Variants in MICU1 observed in about 807,000 individuals in gnomAD.
MICU1 encodes the protein mitochondrial calcium uptake 1.
MICU1 carries 45 observed loss-of-function variants against 56.8 expected under a neutral mutation model. The observed-to-expected ratio is 0.79, with a 90% CI of 0.62 to 1.02. The LOEUF (loss-of-function observed/expected upper bound fraction) is 1.02, where lower values mean the gene tolerates loss of function less well. MICU1 is among the 50% of genes least tolerant of loss of function. MICU1 has a pLI of 0.00. For missense variants in MICU1, 504 were observed against 587.1 expected (o/e 0.86, Z 1.46); for synonymous variants, 186 against 195.1 (o/e 0.95, Z 0.39).
chr10:72,374,561 TA>T (rs1862451721), intron 11 of MICU1, among the ~76,000 whole-genome samples: 2 of 152,144 alleles, frequency 1.3e-5, no homozygotes, highest in South Asian at 4.1e-4. Flanking sequence ...CAACTACCCT[TA>T]AAAAGCTCAG....
At chr10:72,485,942 G>A (rs1167607658) in intron 6 of MICU1, among the ~76,000 whole-genome samples, 1 of 151,040 alleles carries the variant, frequency 6.6e-6, no homozygotes, top group Non-Finnish European at 1.5e-5. Context: ...TTAATTCAAA[G>A]GTCACCATTA....
chr10:72,378,922 C>T (rs1315235687), intron 10 of MICU1, among the ~76,000 whole-genome samples: 1 of 152,102 alleles, frequency 6.6e-6, no homozygotes, highest in Non-Finnish European at 1.5e-5. Context: ...GTGGAAATAT[C>T]CCATCTTTTC....
chr10:72,421,415 T>C (rs1395863271), intron 9 of MICU1, among the ~76,000 whole-genome samples: 3 of 152,038 alleles, frequency 2.0e-5, no homozygotes, highest in African/African-American at 7.2e-5. Flanking sequence ...GCTGAGATTA[T>C]AGGCGCCCAC....
At chr10:72,598,502 C>T (rs1258245820) in intron 1 of MICU1, among the ~76,000 whole-genome samples, 1 of 152,010 alleles carries the variant, frequency 6.6e-6, no homozygotes, top group Non-Finnish European at 1.5e-5. Flanking sequence ...GTGATCCACC[C>T]GCCTCAGCCT....
chr10:72,404,786 G>A (rs1485449754), intron 10 of MICU1, among the ~76,000 whole-genome samples: 1 of 152,056 alleles, frequency 6.6e-6, no homozygotes, highest in East Asian at 1.9e-4. Context: ...GAAAGAAATT[G>A]GCAAGTCCAG....
intron 8 of MICU1, among the ~76,000 whole-genome samples, chr10:72,435,458 A>G (rs113027827): frequency 0.072 from 10,946 of 151,098 alleles, 1,348 homozygotes; most frequent in African/African-American, 0.25. Context: ...TCTGGTCTGC[A>G]GCTACCAGCA....
intron 1 of MICU1, among the ~76,000 whole-genome samples, chr10:72,578,625 T>C (rs1052250291): frequency 6.6e-6 from 1 of 152,044 alleles, no homozygotes; most frequent in Non-Finnish European, 1.5e-5. Flanking sequence ...GTTGTTGTTT[T>C]GAGACAGAGT....
chr10:72,412,065 A>AT (rs1247243257), intron 9 of MICU1, among the ~76,000 whole-genome samples: 1 of 152,198 alleles, frequency 6.6e-6, no homozygotes. Context: ...ACAGGCCTTG[A>AT]TTTTTTGGAG....
intron 7 of MICU1, among the ~76,000 whole-genome samples, chr10:72,475,617 C>A (rs186046370): frequency 3.9e-5 from 6 of 152,100 alleles, no homozygotes; most frequent in African/African-American, 1.4e-4. Flanking sequence ...TTAATAGAGA[C>A]AGGGTTTCAC....
intron 1 of MICU1, among the ~76,000 whole-genome samples, chr10:72,613,835 T>C (rs75665313): frequency 0.022 from 3,280 of 152,122 alleles, 121 homozygotes; most frequent in African/African-American, 0.076. Flanking sequence ...ACAACTCTAG[T>C]TTTTGTTGTG....
At chr10:72,414,028 T>G (rs2132117520) in intron 9 of MICU1, among the ~76,000 whole-genome samples, 1 of 152,288 alleles carries the variant, frequency 6.6e-6, no homozygotes, top group African/African-American at 2.4e-5. Flanking sequence ...TATATTCACA[T>G]GGAGATGTGA....
At chr10:72,616,151 G>A (rs1445319701) in intron 1 of MICU1, among the ~76,000 whole-genome samples, 2 of 152,132 alleles carry the variant, frequency 1.3e-5, no homozygotes, top group Non-Finnish European at 2.9e-5. Context: ...TCATCAGTAT[G>A]AGTCACGTTT....
rs185453688 is a variant in MICU1, at chr10:72,491,788, C to T, written c.653-14532G>A. The stretch of plus-strand genomic sequence containing the variant: ...TTCTTCATTATAAGAATCTAATATT[C>T]TTTCCTTTTTTTTTAATTTCTGCGT... On this transcript the variant is annotated intron_variant, in intron 6 of 11. Transcript: ENST00000361114. Among the ~76,000 whole-genome samples the T allele has an allele frequency of 5.5e-4, 83 of 152,008 alleles. 1 individual carries two copies. The East Asian group carries it at 0.014, about 26-fold the overall frequency.
At chr10:72,541,729 T>G (rs1367456698) in intron 4 of MICU1, among the ~76,000 whole-genome samples, 2 of 152,190 alleles carry the variant, frequency 1.3e-5, no homozygotes, top group Admixed American at 1.3e-4. Flanking sequence ...TTGCATTAAT[T>G]AAACTCTCTT....
chr10:72,599,070 T>C (rs1406291658), intron 1 of MICU1, among the ~76,000 whole-genome samples: 1 of 152,208 alleles, frequency 6.6e-6, no homozygotes, highest in Non-Finnish European at 1.5e-5. Flanking sequence ...ACCAAATGCC[T>C]TATGTTTATC....
intron 4 of MICU1, among the ~76,000 whole-genome samples, chr10:72,541,151 C>T (rs960543136): frequency 2.6e-5 from 4 of 152,222 alleles, no homozygotes; most frequent in East Asian, 1.9e-4. Context: ...TACTCATTCC[C>T]GGGCAAGAGC....
At chr10:72,498,155 T>C (rs776223629) in intron 6 of MICU1, among the ~76,000 whole-genome samples, 9 of 152,364 alleles carry the variant, frequency 5.9e-5, no homozygotes, top group Middle Eastern at 6.8e-3. Flanking sequence ...TAATTTTGAT[T>C]GGACAAGTCA....
At chr10:72,418,210 G>A (rs1303412237) in intron 9 of MICU1, among the ~76,000 whole-genome samples, 7 of 152,092 alleles carry the variant, frequency 4.6e-5, no homozygotes. Flanking sequence ...GATCTGGGTG[G>A]GGACACAGCC....
chr10:72,456,715 G>GTCTT (rs1865468865), intron 8 of MICU1, among the ~76,000 whole-genome samples: 1 of 151,870 alleles, frequency 6.6e-6, no homozygotes, highest in Non-Finnish European at 1.5e-5. Context: ...TTGAGACAGG[G>GTCTT]TCTTGCTCTG....
Sources: gnomAD v4.1 joint callset for allele counts (sites outside exome capture counted in the v4.1 genomes callset) on GRCh38, gnomAD v4.1.1 for gene constraint, MANE v1.5 for transcripts, NCBI Gene and HGNC (gene_info 2026-07-23, HGNC 2026-07-21) for gene names.